Variants in BANK1 observed in about 807,000 individuals in gnomAD.
BANK1 encodes B cell scaffold protein with ankyrin repeats 1, also known as B-cell scaffold protein with ankyrin repeats.
A neutral mutation model predicts 94.5 loss-of-function variants in BANK1; 95 were observed. The ratio of observed to expected loss-of-function variants is 1.00; its 90% confidence interval spans 0.85 to 1.19. The LOEUF (loss-of-function observed/expected upper bound fraction) is 1.19, where lower values mean the gene tolerates loss of function less well. Ranked by LOEUF, BANK1 falls within the 50% of genes most tolerant of loss-of-function variation. The pLI is 0.00. For missense variants in BANK1, 987 were observed against 932.2 expected, an observed-to-expected ratio of 1.06 and a Z score of -0.77; for synonymous variants, 334 against 308.4, an observed-to-expected ratio of 1.08 and a Z score of -0.87.
chr4:102,037,290 A>G (rs1170177800), intron 10 of BANK1, among the ~76,000 whole-genome samples: 2 of 152,242 alleles, frequency 1.3e-5, no homozygotes, highest in Non-Finnish European at 2.9e-5. Context: ...TATCCAGTCT[A>G]AAGTGTCAAC....
At chr4:101,892,252 A>G (rs1222026053) in intron 5 of BANK1, among the ~76,000 whole-genome samples, 3 of 151,118 alleles carry the variant, frequency 2.0e-5, no homozygotes, top group Non-Finnish European at 4.4e-5. Context: ...AAAGTTATTT[A>G]TCAGAAATAA....
intron 1 of BANK1, 85 bp from the exon 2 acceptor site, chr4:101,829,723 G>C (rs559649093): frequency 1.2e-6 from 1 of 827,000 alleles, no homozygotes; most frequent in Admixed American, 3.3e-5. Context: ...ATATTGCCTA[G>C]TGAGCATATT....
intron 7 of BANK1, among the ~76,000 whole-genome samples, chr4:102,010,624 C>A (rs1726477357): frequency 6.6e-6 from 1 of 152,078 alleles, no homozygotes. Flanking sequence ...AACTCCTGAA[C>A]TCAGGTGATC....
chr4:102,037,358 G>A (rs1002354345), intron 10 of BANK1, among the ~76,000 whole-genome samples: 5 of 152,200 alleles, frequency 3.3e-5, no homozygotes, highest in Non-Finnish European at 5.9e-5. Context: ...CCAGAGTAAA[G>A]AAATACTTTA....
chr4:102,014,180 A>G (rs1466274256), intron 7 of BANK1, among the ~76,000 whole-genome samples: 1 of 152,168 alleles, frequency 6.6e-6, no homozygotes, highest in African/African-American at 2.4e-5. Flanking sequence ...CATCATTATC[A>G]TAATTGAGAT....
At chr4:101,861,419 G>GT (rs911885117) in intron 3 of BANK1, among the ~76,000 whole-genome samples, 5 of 151,874 alleles carry the variant, frequency 3.3e-5, no homozygotes, top group African/African-American at 4.8e-5. Flanking sequence ...TGGGATCCCT[G>GT]TTTTTTTTAA....
At chr4:102,005,630 C>T (rs928325962) in intron 7 of BANK1, among the ~76,000 whole-genome samples, 75 of 152,088 alleles carry the variant, frequency 4.9e-4, no homozygotes, top group African/African-American at 1.7e-3. Context: ...TAAATGAGTT[C>T]GCTAACACCA....
intron 1 of BANK1, among the ~76,000 whole-genome samples, chr4:101,816,416 G>T (rs1725920661): frequency 6.6e-6 from 1 of 152,102 alleles, no homozygotes; most frequent in Non-Finnish European, 1.5e-5. Context: ...AATCAAAGTG[G>T]TCTCTCAAAT....
chr4:102,068,490 T>TA (rs1256681583), intron 13 of BANK1, among the ~76,000 whole-genome samples: 4 of 152,142 alleles, frequency 2.6e-5, no homozygotes, highest in Non-Finnish European at 4.4e-5. Flanking sequence ...ATTGGGTTAC[T>TA]ACAACAGATC....
intron 6 of BANK1, among the ~76,000 whole-genome samples, chr4:101,897,371 G>A (rs1369099536): frequency 2.0e-5 from 3 of 151,976 alleles, no homozygotes; most frequent in Admixed American, 6.6e-5. Context: ...TATATGTAAA[G>A]AATTCCAGAT....
intron 2 of BANK1, among the ~76,000 whole-genome samples, chr4:101,837,485 C>T (rs1726872720): frequency 6.6e-6 from 1 of 152,086 alleles, no homozygotes; most frequent in South Asian, 2.1e-4. Flanking sequence ...TTTATTTTGT[C>T]CCAAAGAGTT....
chr4:102,025,151 C>T, intron 8 of BANK1, 50 bp from the exon 9 acceptor site: 1 of 1,563,648 alleles, frequency 6.4e-7, no homozygotes, highest in Non-Finnish European at 8.7e-7. Context: ...ATATGAAATG[C>T]CTTCAGATGG....
chr4:102,000,609 G>A (rs1041079642), intron 7 of BANK1, among the ~76,000 whole-genome samples: 4 of 152,148 alleles, frequency 2.6e-5, no homozygotes, highest in African/African-American at 9.7e-5. Flanking sequence ...AAGTGGGTAT[G>A]CAAAAGGAGA....
In BANK1 at chr4:101,998,091, T is replaced by C. The variant is rs182648455; in HGVS notation, c.1207-23423T>C. On this transcript the variant is annotated intron_variant, in intron 7 of 16. Coordinates refer to ENST00000322953, the MANE Select transcript of BANK1 (RefSeq NM_017935.5). ...TCCCCTGTAAACACTGCTTTACTTGTTTCCCAGACATTTTGGTACATTGTT... is the reference window on the plus strand; with the variant it reads ...TCCCCTGTAAACACTGCTTTACTTGCTTCCCAGACATTTTGGTACATTGTT... Among the ~76,000 whole-genome samples the C allele has an allele frequency of 3.5e-3, 528 of 152,316 alleles. 23 individuals carry two copies. Among genetic ancestry groups the C allele is most frequent in the Admixed American group, 0.032 (495 of 15,288 alleles).
intron 2 of BANK1, among the ~76,000 whole-genome samples, chr4:101,841,911 T>C (rs1437600054): frequency 6.6e-6 from 1 of 151,626 alleles, no homozygotes; most frequent in African/African-American, 2.4e-5. Flanking sequence ...TTACACAGAA[T>C]TGTTCAATAT....
intron 1 of BANK1, among the ~76,000 whole-genome samples, chr4:101,817,514 A>G (rs574067064): frequency 6.6e-6 from 1 of 152,202 alleles, no homozygotes; most frequent in East Asian, 1.9e-4. Flanking sequence ...AGCAACACAC[A>G]CCGGGCCTGT....
At chr4:102,028,753 T>G (rs189829250) in intron 9 of BANK1, among the ~76,000 whole-genome samples, 81 of 152,276 alleles carry the variant, frequency 5.3e-4, no homozygotes, top group Middle Eastern at 3.4e-3. Flanking sequence ...TATAAAAATA[T>G]GTCAAGATAT....
chr4:101,873,952 A>G lies in BANK1; in HGVS notation c.903+3308A>G, dbSNP rs143821285. The stretch of plus-strand genomic sequence containing the variant: ...TAACTAGATAACAATATAAAAGGGA[A>G]ATAACATCGAAAGGCTAAAAGAACA... On this transcript the variant is annotated intron_variant, in intron 5 of 16. Coordinates refer to ENST00000322953, the MANE Select transcript of BANK1 (RefSeq NM_017935.5). Among the ~76,000 whole-genome samples, 1,139 of 152,292 alleles carry G rather than the reference A, an allele frequency of 7.5e-3. 6 individuals are homozygous for G. The highest frequency in any genetic ancestry group is 0.012 in the Non-Finnish European group (838 of 68,000).
intron 1 of BANK1, among the ~76,000 whole-genome samples, chr4:101,799,693 T>C (rs11942939): frequency 0.035 from 5,395 of 152,004 alleles, 323 homozygotes; most frequent in African/African-American, 0.12. Context: ...GCTAACACGG[T>C]GAAACCCCAT....
Sources: gnomAD v4.1 joint callset for allele counts (sites outside exome capture counted in the v4.1 genomes callset) on GRCh38, gnomAD v4.1.1 for gene constraint, MANE v1.5 for transcripts, NCBI Gene and HGNC (gene_info 2026-07-23, HGNC 2026-07-21) for gene names.